Variants in LRIG1 observed in about 807,000 individuals in gnomAD.
LRIG1 encodes the protein leucine rich repeats and immunoglobulin like domains 1, also known as leucine-rich repeats and immunoglobulin-like domains protein 1.
A neutral mutation model predicts 99.2 loss-of-function variants in LRIG1; 48 were observed. That is an observed-to-expected ratio of 0.48 (90% CI 0.38 to 0.62). The LOEUF is 0.62. LRIG1 is among the 20% of genes least tolerant of loss of function. LRIG1 has a pLI of 0.00. For missense variants in LRIG1, 1,646 were observed against 1,434.4 expected (o/e 1.15, Z -2.38); for synonymous variants, 772 against 596.1 (o/e 1.29, Z -4.30).
rs540002384 is a variant in LRIG1, at chr3:66,460,740, T to G, written c.290+1698A>C. On this transcript the variant is annotated intron_variant, in intron 2 of 18. Coordinates refer to ENST00000273261, the MANE Select transcript of LRIG1 (RefSeq NM_015541.3). ...TGTTATGGCAGCAGCCTTAGCAAAC[T>G]AACACAGTGACCCACTTCAAACTTC... 3.3e-5 allele frequency among the ~76,000 whole-genome samples: 5 copies of G among 152,324 alleles called. No homozygotes were observed. The South Asian group carries it at 1.0e-3, about 32-fold the overall frequency.
rs538168652 is a variant in LRIG1 at position 66,378,812 on chromosome 3, A to C, written c.*1451T>G. Reference sequence around the variant, plus strand: ...CCAACTATACTGACATTTATAAATGAACCTTTATTAAAGACACTTCAATGC... The same window carrying C: ...CCAACTATACTGACATTTATAAATGCACCTTTATTAAAGACACTTCAATGC... On this transcript the variant is annotated 3_prime_UTR_variant, in exon 19 of 19. Transcript: ENST00000273261. The C allele has an allele frequency of 2.6e-5, 4 of 152,722 alleles. No individual in the cohort carries two copies. The South Asian group carries it at 6.2e-4, about 24-fold the overall frequency. The allele number at this position is 152,722 out of a possible 1,614,324, so 9.5% of individuals were successfully genotyped here.
intron 8 of LRIG1, chr3:66,406,386 A>G (rs995030147): frequency 1.0e-6 from 1 of 985,360 alleles, no homozygotes; most frequent in African/African-American, 1.7e-5. Flanking sequence ...CTCAGTCTGA[A>G]TGTTCCCAGC....
Position 66,404,491 on chromosome 3 carries a change from C to T in LRIG1, c.1160+707G>A, listed in dbSNP as rs1402492103. ...TACACGCAGAGAAAACAGGGCGGGCCAAGGGGAAGGGAACGTGGGCTTTGG... is the reference window on the plus strand; with the variant it reads ...TACACGCAGAGAAAACAGGGCGGGCTAAGGGGAAGGGAACGTGGGCTTTGG... On this transcript the variant is annotated intron_variant, in intron 9 of 18. Transcript: ENST00000273261. The T allele has an allele frequency of 2.9e-6, 3 of 1,032,658 alleles. No individual in the cohort carries two copies. In the African/African-American group the frequency reaches 5.1e-5, roughly 17 times the overall value. 64.0% of individuals were successfully genotyped at this position (1,032,658 alleles called of 1,614,324 possible). A position where few individuals can be genotyped will look rare whatever the true frequency, so the allele number is the denominator to read the frequency against.
At chr3:66,401,844 C>T (rs558655013) in intron 9 of LRIG1, among the ~76,000 whole-genome samples, 2 of 152,304 alleles carry the variant, frequency 1.3e-5, no homozygotes, top group South Asian at 4.1e-4. Context: ...TCCCATCCAT[C>T]TCCTGGCCAA....
chr3:66,401,310 C>T (rs558702047), intron 9 of LRIG1, among the ~76,000 whole-genome samples: 3 of 152,350 alleles, frequency 2.0e-5, no homozygotes, highest in African/African-American at 7.2e-5. Flanking sequence ...GGGCACTGCA[C>T]CCCGAGCGCT....
intron 1 of LRIG1, among the ~76,000 whole-genome samples, chr3:66,468,059 A>G (rs1309463373): frequency 6.6e-6 from 1 of 152,246 alleles, no homozygotes; most frequent in East Asian, 1.9e-4. Flanking sequence ...CCCTCAGAGT[A>G]TAATTCTATA....
Position 66,500,201 on chromosome 3 carries a change from C to A in LRIG1, c.207G>T (p.Trp69Cys). The A allele has an allele frequency of 1.5e-5, 23 of 1,516,210 alleles. No individual in the cohort carries two copies. Among genetic ancestry groups the A allele is most frequent in the Non-Finnish European group, 2.0e-5 (23 of 1,138,698 alleles). 93.9% of individuals were successfully genotyped at this position (1,516,210 alleles called of 1,614,324 possible). Residue 69 changes from tryptophan (W) to cysteine (C), a missense_variant, in exon 1 of 19, where the codon TGG becomes TGT. By Grantham distance (215) the Trp-to-Cys change is radical. Transcript: ENST00000273261. ...LAALPGDLPS[W>C]TRSLNLSYNK... is the part of the protein sequence containing the mutation. ...AGGGCGGCACTCACAGGCTCCGCGT[C>A]CAGGAGGGCAGGTCCCCGGGCAACG... is the stretch of plus-strand genomic sequence containing the variant.
At chr3:66,425,945 G>A (rs1490147785) in intron 3 of LRIG1, among the ~76,000 whole-genome samples, 1 of 152,192 alleles carries the variant, frequency 6.6e-6, no homozygotes, top group African/African-American at 2.4e-5. Context: ...AACAGATGGA[G>A]GCATTTGAAA....
chr3:66,410,196 G>C lies in LRIG1; in HGVS notation c.868C>G (p.Leu290Val), dbSNP rs774084918. ...ATGCGAGCGATGGAATTGTTGCTGA[G>C]GTGGAGCTGATGCAGGGCCGTGAGG... ...YGLTALHQLH[L>V]SNNSIARIHR... is the part of the protein sequence containing the mutation. The change falls in exon 7 of 19, where the codon CTC becomes GTC. Residue 290 changes from leucine to valine, a missense_variant. Leu to Val is a conservative substitution (Grantham distance 32, BLOSUM62 1). Coordinates refer to ENST00000273261, the MANE Select transcript of LRIG1 (RefSeq NM_015541.3). 3 of 1,614,038 alleles carry C rather than the reference G, an allele frequency of 1.9e-6. No individual in the cohort carries two copies. Among genetic ancestry groups the C allele is most frequent in the African/African-American group, 2.7e-5 (2 of 74,960 alleles).
intron 1 of LRIG1, among the ~76,000 whole-genome samples, chr3:66,482,655 T>A (rs1046679387): frequency 6.6e-6 from 1 of 152,172 alleles, no homozygotes; most frequent in Admixed American, 6.5e-5. Context: ...GGGTAACTCA[T>A]CCTAAGGAAA....
intron 15 of LRIG1, 112 bp downstream of exon 15, chr3:66,382,870 G>T: frequency 1.1e-6 from 1 of 930,218 alleles, no homozygotes; most frequent in Non-Finnish European, 1.6e-6. Flanking sequence ...AAACCCTCAG[G>T]AGTTCTGAAC....
Position 66,462,426 on chromosome 3 carries a change from G to A in LRIG1, c.290+12C>T, listed in dbSNP as rs906945727. Reference sequence around the variant, plus strand: ...ATCCTTCCATCCACCAGAGGTTTAGGGGGAGACTCACACTTCCTGTAGGTT... The same window carrying A: ...ATCCTTCCATCCACCAGAGGTTTAGAGGGAGACTCACACTTCCTGTAGGTT... On this transcript the variant is annotated intron_variant, in intron 2 of 18. Coordinates refer to ENST00000273261, the MANE Select transcript of LRIG1 (RefSeq NM_015541.3). The A allele has an allele frequency of 3.1e-6, 5 of 1,606,018 alleles. No homozygotes were observed. Among genetic ancestry groups the A allele is most frequent in the African/African-American group, 1.3e-5 (1 of 74,770 alleles).
At chr3:66,404,873 A>G (rs1702204224) in intron 9 of LRIG1, among the ~76,000 whole-genome samples, 1 of 152,202 alleles carries the variant, frequency 6.6e-6, no homozygotes, top group Non-Finnish European at 1.5e-5. Context: ...TAACAGGGCA[A>G]GACTCCTTTG....
At chr3:66,413,400 C>CT (rs1018736662) in intron 5 of LRIG1, among the ~76,000 whole-genome samples, 4 of 152,232 alleles carry the variant, frequency 2.6e-5, no homozygotes, top group African/African-American at 9.6e-5. Context: ...TGAGGTATCT[C>CT]TGAGCTCAGC....
rs537329991 is a variant in LRIG1, at chr3:66,383,849, C to G, written c.2071+142G>C. On this transcript the variant is annotated intron_variant, in intron 14 of 18. Coordinates refer to ENST00000273261, the MANE Select transcript of LRIG1 (RefSeq NM_015541.3). ...AACACTTGTTTAAGAAAAATTAACT[C>G]AACTCAAAAAGCAGCCCCAAATTTC... The G allele has an allele frequency of 3.0e-4, 370 of 1,218,378 alleles. 2 individuals carry two copies. The highest frequency in any genetic ancestry group is 1.1e-3 in the Middle Eastern group (4 of 3,490). The allele number at this position is 1,218,378 out of a possible 1,614,324, so 75.5% of individuals were successfully genotyped here.
At chr3:66,390,911 G>T (rs1205958806) in intron 12 of LRIG1, among the ~76,000 whole-genome samples, 1 of 152,146 alleles carries the variant, frequency 6.6e-6, no homozygotes, top group East Asian at 1.9e-4. Context: ...GGCACAACAT[G>T]TATCTTATGA....
intron 2 of LRIG1, among the ~76,000 whole-genome samples, chr3:66,461,661 G>A (rs527645810): frequency 2.6e-5 from 4 of 152,256 alleles, no homozygotes; most frequent in East Asian, 3.9e-4. Context: ...TTCTTCACAC[G>A]TTTCTGTAGT....
At chr3:66,475,136 C>G (rs1700691502) in intron 1 of LRIG1, among the ~76,000 whole-genome samples, 1 of 152,178 alleles carries the variant, frequency 6.6e-6, no homozygotes, top group South Asian at 2.1e-4. Context: ...TAGGACTTAG[C>G]CTAACACTTG....
intron 1 of LRIG1, among the ~76,000 whole-genome samples, chr3:66,477,295 C>A (rs1449793837): frequency 2.6e-5 from 4 of 152,196 alleles, no homozygotes; most frequent in Non-Finnish European, 5.9e-5. Context: ...AATGTTATTT[C>A]TTGAGCCAGA....
Sources: allele counts gnomAD v4.1 joint callset (sites outside exome capture counted in the v4.1 genomes callset), GRCh38; gene constraint gnomAD v4.1.1; transcripts MANE v1.5; gene names NCBI Gene and HGNC (gene_info 2026-07-23, HGNC 2026-07-21).